NDUFA5: variants seen among roughly 807,000 people sequenced by gnomAD.
NDUFA5 encodes NADH dehydrogenase [ubiquinone] 1 alpha subcomplex subunit 5.
In NDUFA5, 11 loss-of-function variants were observed where a neutral mutation model predicts 19.8. The ratio of observed to expected loss-of-function variants is 0.56; its 90% CI spans 0.35 to 0.92. NDUFA5 has a LOEUF of 0.92. Ranked by LOEUF, NDUFA5 falls within the 40% of genes least tolerant of loss-of-function variation. NDUFA5 has a pLI of 0.01. For missense variants in NDUFA5, 109 were observed against 134.2 expected, an observed-to-expected ratio of 0.81 and a Z score of 0.93; for synonymous variants, 47 against 46.8, an observed-to-expected ratio of 1.00 and a Z score of -0.01.
intron 2 of NDUFA5, 37 bp downstream of exon 2, chr7:123,557,367 G>A (rs772802106): frequency 1.4e-5 from 23 of 1,612,938 alleles, no homozygotes; most frequent in Admixed American, 5.0e-5. Context: ...AGTCTTCCTT[G>A]GGAATTCAAG....
chr7:123,569,593 G>T, the NDUFA5 span, among the ~76,000 whole-genome samples: 3 of 152,198 alleles, frequency 2.0e-5, no homozygotes, highest in African/African-American at 7.2e-5. Flanking sequence ...AGCCCCTAGG[G>T]GAAGGGGAGT....
intron 4 of NDUFA5, among the ~76,000 whole-genome samples, chr7:123,543,955 C>A (rs1486842484): frequency 6.6e-6 from 1 of 152,104 alleles, no homozygotes; most frequent in Non-Finnish European, 1.5e-5. Flanking sequence ...TCTAACAATT[C>A]TTTTGATTTG....
At chr7:123,568,032 G>C in the NDUFA5 span, among the ~76,000 whole-genome samples, 1 of 151,896 alleles carries the variant, frequency 6.6e-6, no homozygotes, top group African/African-American at 2.4e-5. Context: ...CAGATATGTT[G>C]ATTTTCAGAA....
In NDUFA5 at chr7:123,540,544, T is replaced by C. The variant is rs941000081; in HGVS notation, c.*1575A>G. The C allele has an allele frequency of 2.0e-5, 3 of 152,114 alleles. No homozygotes were observed. Among genetic ancestry groups the C allele is most frequent in the African/African-American group, 7.2e-5 (3 of 41,418 alleles). The allele number at this position is 152,114 out of a possible 1,614,324, so 9.4% of individuals were successfully genotyped here. A position where few individuals can be genotyped will look rare whatever the true frequency, so the allele number is the denominator to read the frequency against. The stretch of plus-strand genomic sequence containing the variant: ...TCAGCATCATGTTTTAATAAATATA[T>C]TATATATTCAAGAAATGTTTAGAAC... On this transcript the variant is annotated 3_prime_UTR_variant, in exon 5 of 5. Transcript: ENST00000355749.
chr7:123,589,344 A>C, the NDUFA5 span, among the ~76,000 whole-genome samples: 1 of 148,608 alleles, frequency 6.7e-6, no homozygotes, highest in Non-Finnish European at 1.5e-5. Flanking sequence ...ATTATACTTT[A>C]AGTTCAAGGG....
the NDUFA5 span, among the ~76,000 whole-genome samples, chr7:123,586,165 T>C: frequency 1.2e-4 from 18 of 151,826 alleles, no homozygotes; most frequent in Non-Finnish European, 5.9e-5. Flanking sequence ...CTGTTTTCCA[T>C]AATGGCTGTA....
the NDUFA5 span, among the ~76,000 whole-genome samples, chr7:123,569,940 T>C: frequency 3.3e-5 from 5 of 152,128 alleles, no homozygotes; most frequent in Non-Finnish European, 7.3e-5. Flanking sequence ...ATGATTGTTA[T>C]TATTATGTTT....
At chr7:123,553,933 G>A (rs1798447078) in intron 2 of NDUFA5, among the ~76,000 whole-genome samples, 1 of 152,230 alleles carries the variant, frequency 6.6e-6, no homozygotes, top group South Asian at 2.1e-4. Flanking sequence ...GATAGACCCA[G>A]AGGGATGGTA....
At chr7:123,546,446 G>A (rs943423102) in intron 3 of NDUFA5, among the ~76,000 whole-genome samples, 2 of 152,110 alleles carry the variant, frequency 1.3e-5, no homozygotes, top group Non-Finnish European at 2.9e-5. Flanking sequence ...CATTTGTAAT[G>A]TATATAATTA....
At chr7:123,580,262 A>G in the NDUFA5 span, among the ~76,000 whole-genome samples, 1 of 152,042 alleles carries the variant, frequency 6.6e-6, no homozygotes, top group Non-Finnish European at 1.5e-5. Context: ...AAGGTGGCAG[A>G]TGAAGTCCTC....
At chr7:123,595,775 T>C in the NDUFA5 span, among the ~76,000 whole-genome samples, 4 of 152,200 alleles carry the variant, frequency 2.6e-5, no homozygotes, top group African/African-American at 9.6e-5. Flanking sequence ...AGTGAGCCAA[T>C]TCACTATCAT....
chr7:123,575,058 T>TC, the NDUFA5 span, among the ~76,000 whole-genome samples: 4 of 124,994 alleles, frequency 3.2e-5, no homozygotes, highest in African/African-American at 6.3e-5. Flanking sequence ...CAGGTATGTT[T>TC]CCTTTTTTTT....
At chr7:123,546,647 G>C in intron 3 of NDUFA5, 1 of 1,276,866 alleles carries the variant, frequency 7.8e-7, no homozygotes, top group Non-Finnish European at 1.0e-6. Flanking sequence ...TAAAGAGGGA[G>C]AAAATAATAC....
the NDUFA5 span, among the ~76,000 whole-genome samples, chr7:123,571,154 T>C: frequency 3.3e-5 from 5 of 152,190 alleles, no homozygotes; most frequent in Admixed American, 3.3e-4. Context: ...ACAAATACAA[T>C]TGAGAAGCAC....
chr7:123,543,242 C>G (rs912536583), intron 4 of NDUFA5, among the ~76,000 whole-genome samples: 3 of 152,126 alleles, frequency 2.0e-5, no homozygotes, highest in African/African-American at 7.2e-5. Context: ...TCACGAACAT[C>G]CAATGCTTTC....
chr7:123,585,650 TG>T, the NDUFA5 span, among the ~76,000 whole-genome samples: 1 of 151,704 alleles, frequency 6.6e-6, no homozygotes, highest in Non-Finnish European at 1.5e-5. Context: ...TGTGTGTGTG[TG>T]TGTGTGTGTG....
chr7:123,590,053 C>T, the NDUFA5 span, among the ~76,000 whole-genome samples: 1 of 152,110 alleles, frequency 6.6e-6, no homozygotes, highest in Non-Finnish European at 1.5e-5. Context: ...TTTTGATTTG[C>T]ATTTCTCTGA....
intron 4 of NDUFA5, among the ~76,000 whole-genome samples, chr7:123,544,341 A>G (rs1465938883): frequency 6.6e-6 from 1 of 152,116 alleles, no homozygotes; most frequent in Non-Finnish European, 1.5e-5. Flanking sequence ...TCTACTAAAA[A>G]TACAAAATTA....
chr7:123,560,422 A>T (rs1293128506), upstream of NDUFA5, among the ~76,000 whole-genome samples: 1 of 152,252 alleles, frequency 6.6e-6, no homozygotes, highest in Non-Finnish European at 1.5e-5. Flanking sequence ...ATAATCTTTT[A>T]TATAGGATTA....
Sources: gnomAD v4.1 joint callset for allele counts (sites outside exome capture counted in the v4.1 genomes callset) on GRCh38, gnomAD v4.1.1 for gene constraint, MANE v1.5 for transcripts, NCBI Gene and HGNC (gene_info 2026-07-23, HGNC 2026-07-21) for gene names.